AKAP19: variants seen among roughly 807,000 people sequenced by gnomAD.
The protein encoded by AKAP19 is small A-kinase anchoring protein.
At chr2:189,972,414 A>G in the AKAP19 span, among the ~76,000 whole-genome samples, 36,335 of 152,086 alleles carry the variant, frequency 0.24, 5,188 homozygotes, top group African/African-American at 0.41. Context: ...GTCAGGTAGC[A>G]TGATGCATCC....
At chr2:190,063,603 G>A in the AKAP19 span, among the ~76,000 whole-genome samples, 48 of 152,226 alleles carry the variant, frequency 3.2e-4, no homozygotes, top group Admixed American at 1.3e-3. Flanking sequence ...AGTAAAAAGT[G>A]CAGTATCTAT....
the AKAP19 span, among the ~76,000 whole-genome samples, chr2:190,176,707 G>C: frequency 6.6e-6 from 1 of 152,150 alleles, no homozygotes; most frequent in Non-Finnish European, 1.5e-5. This position sits in a 1 kb window ranked among gnomAD's most constrained non-coding sequence, Gnocchi z 4.7. Context: ...TAGGTGTCTT[G>C]AGTTACAGAA....
the AKAP19 span, chr2:190,181,354 T>C: frequency 6.1e-6 from 1 of 163,394 alleles, no homozygotes; most frequent in Non-Finnish European, 1.3e-5. Context: ...AGGTATCTCA[T>C]TATGAGTTGC....
the AKAP19 span, chr2:190,060,147 G>C: frequency 6.2e-7 from 1 of 1,612,904 alleles, no homozygotes; most frequent in Non-Finnish European, 8.5e-7. Flanking sequence ...GCCTAAGTTG[G>C]ATTCAGGTTG....
chr2:190,127,039 A>G, the AKAP19 span, among the ~76,000 whole-genome samples: 3 of 152,128 alleles, frequency 2.0e-5, no homozygotes, highest in African/African-American at 7.2e-5. Flanking sequence ...AGGGATGTAG[A>G]GCTGTAAACA....
chr2:190,011,081 T>C, the AKAP19 span, among the ~76,000 whole-genome samples: 1 of 134,874 alleles, frequency 7.4e-6, no homozygotes, highest in African/African-American at 2.7e-5. Context: ...TTTGAGACAG[T>C]CTTTCTTGCT....
the AKAP19 span, among the ~76,000 whole-genome samples, chr2:190,112,290 G>T: frequency 6.6e-6 from 1 of 152,034 alleles, no homozygotes; most frequent in Non-Finnish European, 1.5e-5. Flanking sequence ...TAATATTTTT[G>T]TTACAGTTGT....
the AKAP19 span, among the ~76,000 whole-genome samples, chr2:189,975,356 A>T: frequency 6.6e-6 from 1 of 152,196 alleles, no homozygotes; most frequent in African/African-American, 2.4e-5. Context: ...ATCCCCTGTT[A>T]GTCTGATGGG....
chr2:190,044,479 C>A, the AKAP19 span, among the ~76,000 whole-genome samples: 1 of 152,176 alleles, frequency 6.6e-6, no homozygotes, highest in Non-Finnish European at 1.5e-5. Context: ...TGGGTCTTTG[C>A]TCCTTCGTTA....
the AKAP19 span, among the ~76,000 whole-genome samples, chr2:190,077,056 T>C: frequency 6.6e-6 from 1 of 152,150 alleles, no homozygotes; most frequent in Non-Finnish European, 1.5e-5. Context: ...TAATTGCCTA[T>C]TAATCTAATC....
the AKAP19 span, among the ~76,000 whole-genome samples, chr2:190,182,582 A>G: frequency 3.1e-4 from 47 of 152,328 alleles, no homozygotes; most frequent in Middle Eastern, 3.4e-3. Context: ...GTTATCTTCA[A>G]TAAATACTAG....
chr2:190,118,727 C>A, the AKAP19 span, among the ~76,000 whole-genome samples: 11 of 152,088 alleles, frequency 7.2e-5, no homozygotes, highest in Non-Finnish European at 1.0e-4. Context: ...TCAAAATAAT[C>A]AGAGCTATTT....
chr2:190,067,739 T>C, the AKAP19 span, among the ~76,000 whole-genome samples: 1 of 152,256 alleles, frequency 6.6e-6, no homozygotes, highest in East Asian at 1.9e-4. Flanking sequence ...ATTGCTGCAA[T>C]CCATTGTCCT....
the AKAP19 span, among the ~76,000 whole-genome samples, chr2:190,008,770 A>C: frequency 2.2e-4 from 8 of 36,918 alleles, no homozygotes; most frequent in South Asian, 0.011. Context: ...ACACACACAC[A>C]CCCACCTGGT....
At chr2:189,889,350 G>A in the AKAP19 span, among the ~76,000 whole-genome samples, 1 of 152,096 alleles carries the variant, frequency 6.6e-6, no homozygotes, top group African/African-American at 2.4e-5. Context: ...ATTTTATTGA[G>A]GATTTTCGCA....
chr2:190,199,208 G>A, the AKAP19 span, among the ~76,000 whole-genome samples: 1 of 152,132 alleles, frequency 6.6e-6, no homozygotes, highest in Non-Finnish European at 1.5e-5. Context: ...TCAGGACTCA[G>A]CAAACATTTT....
the AKAP19 span, among the ~76,000 whole-genome samples, chr2:190,069,171 T>A: frequency 6.0e-4 from 77 of 129,260 alleles, 1 homozygote; most frequent in Admixed American, 1.7e-3. Flanking sequence ...TGTGTGTGTG[T>A]GTGTGAGAGA....
the AKAP19 span, among the ~76,000 whole-genome samples, chr2:190,054,724 A>G: frequency 1.1e-4 from 17 of 152,246 alleles, no homozygotes; most frequent in African/African-American, 3.9e-4. Flanking sequence ...GACACATGAA[A>G]AAATGCTCAT....
At chr2:190,120,583 G>A in the AKAP19 span, among the ~76,000 whole-genome samples, 4 of 152,108 alleles carry the variant, frequency 2.6e-5, no homozygotes, top group East Asian at 3.8e-4. Flanking sequence ...AACTACTCTC[G>A]ATTATTTTTG....
Sources: allele counts gnomAD v4.1 joint callset (sites outside exome capture counted in the v4.1 genomes callset), GRCh38; gene constraint gnomAD v4.1.1; non-coding constraint Gnocchi (gnomAD v3.1); transcripts MANE v1.5; gene names NCBI Gene and HGNC (gene_info 2026-07-23, HGNC 2026-07-21).